Variants in QTMAN observed in about 807,000 individuals in gnomAD.
QTMAN encodes queuosine-tRNA mannosyltransferase.
the QTMAN span, among the ~76,000 whole-genome samples, chr2:143,990,858 T>C: frequency 3.9e-5 from 6 of 152,290 alleles, no homozygotes; most frequent in Admixed American, 3.9e-4. Flanking sequence ...AGTAGTATGT[T>C]TTAAGTGTTT....
At chr2:144,018,607 A>G in the QTMAN span, among the ~76,000 whole-genome samples, 2 of 152,246 alleles carry the variant, frequency 1.3e-5, no homozygotes, top group Non-Finnish European at 2.9e-5. Flanking sequence ...AATTTGAAAT[A>G]TCTGACTTGC....
At chr2:144,001,673 G>T in the QTMAN span, among the ~76,000 whole-genome samples, 3 of 151,850 alleles carry the variant, frequency 2.0e-5, no homozygotes, top group African/African-American at 7.3e-5. Context: ...AATTACAGGG[G>T]TTTTATGATC....
the QTMAN span, among the ~76,000 whole-genome samples, chr2:143,981,903 T>C: frequency 6.6e-6 from 1 of 152,308 alleles, no homozygotes; most frequent in Admixed American, 6.5e-5. Flanking sequence ...TTCTTACAAA[T>C]GGGATAAATC....
At chr2:143,981,214 C>T in the QTMAN span, among the ~76,000 whole-genome samples, 1 of 152,114 alleles carries the variant, frequency 6.6e-6, no homozygotes, top group African/African-American at 2.4e-5. Context: ...CCCTCTGACT[C>T]CAGAAGTTGG....
chr2:144,146,085 G>A, the QTMAN span, among the ~76,000 whole-genome samples: 3 of 130,334 alleles, frequency 2.3e-5, no homozygotes, highest in African/African-American at 8.5e-5. Flanking sequence ...ACAAAGATAA[G>A]ACTGACTGCG....
chr2:144,058,828 C>T, the QTMAN span, among the ~76,000 whole-genome samples: 1 of 152,172 alleles, frequency 6.6e-6, no homozygotes, highest in African/African-American at 2.4e-5. Flanking sequence ...TCTTAGCCAT[C>T]CCCATCTAAT....
chr2:143,953,114 T>C, the QTMAN span, among the ~76,000 whole-genome samples: 2 of 151,958 alleles, frequency 1.3e-5, no homozygotes, highest in East Asian at 3.9e-4. Flanking sequence ...GTTTTTAAAA[T>C]ACTGTTTAAC....
the QTMAN span, among the ~76,000 whole-genome samples, chr2:143,968,114 C>T: frequency 6.6e-6 from 1 of 152,184 alleles, no homozygotes; most frequent in Non-Finnish European, 1.5e-5. Flanking sequence ...TCATCCATTC[C>T]ACACCTGGGC....
chr2:144,318,527 C>T, the QTMAN span, among the ~76,000 whole-genome samples: 1 of 152,254 alleles, frequency 6.6e-6, no homozygotes, highest in Admixed American at 6.5e-5. Flanking sequence ...CCACATAAAG[C>T]TATTGTAAGA....
the QTMAN span, among the ~76,000 whole-genome samples, chr2:144,225,638 C>A: frequency 6.6e-6 from 1 of 152,194 alleles, no homozygotes; most frequent in African/African-American, 2.4e-5. Context: ...TTTCTCCTCT[C>A]TGAAACCTTT....
the QTMAN span, among the ~76,000 whole-genome samples, chr2:143,957,962 G>A: frequency 6.6e-6 from 1 of 152,078 alleles, no homozygotes; most frequent in African/African-American, 2.4e-5. Flanking sequence ...GCCCCTCACT[G>A]TCAAAATGAT....
the QTMAN span, among the ~76,000 whole-genome samples, chr2:144,318,177 G>C: frequency 1.4e-5 from 2 of 144,236 alleles, no homozygotes; most frequent in African/African-American, 5.5e-5. Context: ...AAAGGTGCCT[G>C]CTGCTCTATT....
chr2:144,267,091 T>A, the QTMAN span, among the ~76,000 whole-genome samples: 3 of 152,166 alleles, frequency 2.0e-5, no homozygotes, highest in African/African-American at 7.2e-5. Flanking sequence ...CTGAAGGAGA[T>A]GATTTGGGAT....
chr2:143,945,523 A>AG, the QTMAN span: 9 of 152,244 alleles, frequency 5.9e-5, no homozygotes, highest in African/African-American at 1.9e-4. Context: ...CTCTCTTCCA[A>AG]GGGCTTTGTC....
At chr2:144,196,386 T>C in the QTMAN span, among the ~76,000 whole-genome samples, 1 of 152,126 alleles carries the variant, frequency 6.6e-6, no homozygotes, top group Non-Finnish European at 1.5e-5. Flanking sequence ...TATAAAAATC[T>C]TGGAACCACC....
chr2:144,235,012 T>C, the QTMAN span, among the ~76,000 whole-genome samples: 1 of 152,194 alleles, frequency 6.6e-6, no homozygotes, highest in African/African-American at 2.4e-5. Flanking sequence ...AAGTCTGCCA[T>C]GTAATTAAAG....
At chr2:144,284,108 C>CA in the QTMAN span, among the ~76,000 whole-genome samples, 1 of 151,792 alleles carries the variant, frequency 6.6e-6, no homozygotes, top group Non-Finnish European at 1.5e-5. Context: ...ACTTTGTTTA[C>CA]AAAAACAAAT....
the QTMAN span, among the ~76,000 whole-genome samples, chr2:144,020,002 G>A: frequency 2.0e-5 from 3 of 147,488 alleles, no homozygotes; most frequent in Non-Finnish European, 2.9e-5. Context: ...ATCATCCGTC[G>A]CAGTTCTTGC....
chr2:144,210,629 A>G, the QTMAN span, among the ~76,000 whole-genome samples: 1 of 152,134 alleles, frequency 6.6e-6, no homozygotes, highest in African/African-American at 2.4e-5. Context: ...GGTCCACTGG[A>G]GACTTCTGCT....
Sources: allele counts gnomAD v4.1 joint callset (sites outside exome capture counted in the v4.1 genomes callset), GRCh38; gene constraint gnomAD v4.1.1; transcripts MANE v1.5; gene names NCBI Gene and HGNC (gene_info 2026-07-23, HGNC 2026-07-21).